Variants in TENM1 observed in about 807,000 individuals in gnomAD.
TENM1 encodes teneurin transmembrane protein 1.
Under a neutral mutation model 174.8 loss-of-function variants are expected in TENM1, and 35 were observed. That is an observed-to-expected ratio of 0.20 (90% CI 0.15 to 0.27). The LOEUF is 0.27. Among genes scored for constraint, TENM1 ranks in the 10% least tolerant of loss-of-function variants. TENM1 has a pLI of 1.00. For missense variants in TENM1, 1,633 were observed against 2,130.1 expected (o/e 0.77, Z 4.59); for synonymous variants, 781 against 798.7 (o/e 0.98, Z 0.37).
intron 15 of TENM1, among the ~76,000 whole-genome samples, chrX:124,546,426 G>A (rs1427133627): frequency 8.9e-6 from 1 of 111,751 alleles, no homozygotes; most frequent in East Asian, 2.8e-4. Flanking sequence ...TCATGCATTT[G>A]AGCTTTCCCG....
At chrX:124,387,213 A>G (rs1265985121) in intron 28 of TENM1, among the ~76,000 whole-genome samples, 3 of 110,062 alleles carry the variant, frequency 2.7e-5, no homozygotes, top group African/African-American at 9.9e-5. Context: ...CTGGTTATGC[A>G]GCCCCTCTCC....
the TENM1 span, among the ~76,000 whole-genome samples, chrX:125,091,729 T>C: frequency 1.8e-5 from 2 of 110,853 alleles, no homozygotes; most frequent in African/African-American, 6.6e-5. Context: ...GGCTCACACC[T>C]GTAATCCCAG....
At chrX:125,179,789 C>T in the TENM1 span, among the ~76,000 whole-genome samples, 187 of 109,806 alleles carry the variant, frequency 1.7e-3, no homozygotes, top group African/African-American at 5.9e-3. Context: ...CAATTTGTTT[C>T]TCAACAAGCC....
intron 3 of TENM1, among the ~76,000 whole-genome samples, chrX:124,812,567 A>T (rs1249972476): frequency 9.0e-6 from 1 of 111,224 alleles, no homozygotes; most frequent in Non-Finnish European, 1.9e-5. Context: ...AAGACTTTCA[A>T]ATTGTTTCTA....
At chrX:124,857,839 T>C (rs2056842270) in intron 3 of TENM1, among the ~76,000 whole-genome samples, 1 of 110,249 alleles carries the variant, frequency 9.1e-6, no homozygotes, top group South Asian at 3.8e-4. Context: ...GGGTAGTAAC[T>C]GATATACATA....
At chrX:124,573,385 A>G (rs2049098359) in intron 11 of TENM1, among the ~76,000 whole-genome samples, 1 of 111,786 alleles carries the variant, frequency 8.9e-6, no homozygotes, top group Admixed American at 9.5e-5. Context: ...GGCAGATGGG[A>G]TCACAAAAGT....
the TENM1 span, among the ~76,000 whole-genome samples, chrX:124,992,950 CCAA>C: frequency 9.1e-6 from 1 of 110,485 alleles, no homozygotes; most frequent in Non-Finnish European, 1.9e-5. Context: ...TTTCAGAGGG[CCAA>C]CGAGAAAGCT....
chrX:124,869,204 G>C (rs375836246), intron 3 of TENM1, among the ~76,000 whole-genome samples: 2 of 110,053 alleles, frequency 1.8e-5, no homozygotes, highest in East Asian at 2.8e-4. Context: ...CTGCACTCCA[G>C]CCTGGGCCAC....
chrX:125,062,168 G>GA, the TENM1 span, among the ~76,000 whole-genome samples: 8 of 110,679 alleles, frequency 7.2e-5, no homozygotes, highest in Non-Finnish European at 1.3e-4. Context: ...GAATTGATAT[G>GA]AAAAAAAATC....
chrX:124,917,914 T>C (rs1244064472), intron 1 of TENM1, among the ~76,000 whole-genome samples: 1 of 112,243 alleles, frequency 8.9e-6, no homozygotes, highest in African/African-American at 3.2e-5. Context: ...GGCTTAGAAT[T>C]CTCTACGCTC....
chrX:125,112,415 T>A, the TENM1 span, among the ~76,000 whole-genome samples: 1 of 109,820 alleles, frequency 9.1e-6, no homozygotes, highest in East Asian at 2.9e-4. Context: ...ACAAACAACA[T>A]GTATAATATG....
At chrX:125,112,251 G>C in the TENM1 span, among the ~76,000 whole-genome samples, 1 of 107,129 alleles carries the variant, frequency 9.3e-6, no homozygotes, top group Admixed American at 1.0e-4. Flanking sequence ...GCAAAAAATA[G>C]ATGATTTACA....
At chrX:124,664,342 T>C (rs1230617176) in intron 6 of TENM1, among the ~76,000 whole-genome samples, 1 of 110,483 alleles carries the variant, frequency 9.1e-6, no homozygotes, top group Non-Finnish European at 1.9e-5. Context: ...GAATGCACAA[T>C]GATTACCTGG....
chrX:124,527,698 G>T (rs1246545855), intron 16 of TENM1, among the ~76,000 whole-genome samples: 1 of 103,121 alleles, frequency 9.7e-6, no homozygotes, highest in Non-Finnish European at 2.0e-5. Context: ...GCCCAGGCTG[G>T]AGTAACGTGG....
the TENM1 span, among the ~76,000 whole-genome samples, chrX:125,044,028 G>C: frequency 3.1e-5 from 1 of 31,835 alleles, no homozygotes; most frequent in Non-Finnish European, 5.3e-5. Flanking sequence ...GTCGGGGGAG[G>C]GGGGAGGGAT....
the TENM1 span, among the ~76,000 whole-genome samples, chrX:125,031,628 C>A: frequency 8.9e-6 from 1 of 112,209 alleles, no homozygotes; most frequent in African/African-American, 3.2e-5. Context: ...ACAAAGAATT[C>A]TTTTAGGTCA....
intron 22 of TENM1, among the ~76,000 whole-genome samples, chrX:124,461,214 T>C (rs113263494): frequency 1.9e-3 from 210 of 111,658 alleles, no homozygotes; most frequent in African/African-American, 6.3e-3. Context: ...TAGGTCAAAA[T>C]AGCTTTTATT....
chrX:125,086,692 C>T, the TENM1 span, among the ~76,000 whole-genome samples: 201 of 110,198 alleles, frequency 1.8e-3, 1 homozygote, highest in African/African-American at 6.1e-3. Flanking sequence ...CATTAATAGG[C>T]CATTAAAAAA....
At chrX:124,449,886 T>C (rs1479026888) in intron 23 of TENM1, among the ~76,000 whole-genome samples, 1 of 109,592 alleles carries the variant, frequency 9.1e-6, no homozygotes, top group Non-Finnish European at 1.9e-5. Context: ...CAGTGTTTTA[T>C]AGAGTTGTAT....
Sources: gnomAD v4.1 joint callset for allele counts (sites outside exome capture counted in the v4.1 genomes callset) on GRCh38, gnomAD v4.1.1 for gene constraint, MANE v1.5 for transcripts, NCBI Gene and HGNC (gene_info 2026-07-23, HGNC 2026-07-21) for gene names.